CHAF1A: variants seen among roughly 807,000 people sequenced by gnomAD.
CHAF1A encodes CAF-1 subunit A.
CHAF1A carries 5 observed loss-of-function variants against 93.2 expected under a neutral mutation model. The ratio of observed to expected loss-of-function variants is 0.05; its 90% CI spans 0.03 to 0.11. The LOEUF is 0.11. Among genes scored for constraint, CHAF1A ranks in the 10% least tolerant of loss-of-function variants. The pLI is 1.00. For missense variants in CHAF1A, 1,102 were observed against 1,259.9 expected (o/e 0.87, Z 1.90); for synonymous variants, 504 against 510.3 (o/e 0.99, Z 0.17).
At chr19:4,419,795 C>A (rs1466931027) in intron 4 of CHAF1A, among the ~76,000 whole-genome samples, 1 of 152,180 alleles carries the variant, frequency 6.6e-6, no homozygotes, top group Non-Finnish European at 1.5e-5. Flanking sequence ...CTCATTGGAA[C>A]CTCCGAGTCC....
intron 2 of CHAF1A, among the ~76,000 whole-genome samples, chr19:4,408,665 G>A (rs1973731177): frequency 6.6e-6 from 1 of 151,182 alleles, no homozygotes; most frequent in South Asian, 2.1e-4. Context: ...AGAAAAGACG[G>A]GGTTTCACCA....
At chr19:4,430,135 C>A in intron 10 of CHAF1A, 1 of 350,140 alleles carries the variant, frequency 2.9e-6, no homozygotes, top group South Asian at 3.1e-5. Flanking sequence ...CGATGCTCAC[C>A]GTGTCTGTCG....
intron 2 of CHAF1A, among the ~76,000 whole-genome samples, chr19:4,408,491 T>TTTTTTTTTTTTTTTTTG (rs1973727044): frequency 9.0e-6 from 1 of 111,408 alleles, no homozygotes; most frequent in East Asian, 2.8e-4. Flanking sequence ...TTTTTTTTTT[T>TTTTTTTTTTTTTTTTTG]GAGAGGGAGT....
downstream of CHAF1A, chr19:4,446,234 G>A (rs754221360): frequency 1.1e-5 from 17 of 1,577,360 alleles, no homozygotes; most frequent in African/African-American, 2.3e-4. Flanking sequence ...TGGGGCCCAG[G>A]GCCCCCTACC....
intron 7 of CHAF1A, among the ~76,000 whole-genome samples, chr19:4,424,722 C>T (rs1397159388): frequency 2.6e-5 from 4 of 152,206 alleles, no homozygotes; most frequent in African/African-American, 9.6e-5. Flanking sequence ...GCAACGTCCA[C>T]CTCCCGGGTT....
chr19:4,409,040 G>T lies in CHAF1A; in HGVS notation c.241G>T (p.Val81Leu). ...GGACACCTTGGAAAACAACTGTCAT[G>T]TGGGTTCTGACATAGACTTTAGACC... ...SLDTLENNCH[V>L]GSDIDFRPKL... The change falls in exon 3 of 15, where the codon GTG (valine) becomes TTG (leucine). Residue 81 changes from valine (V) to leucine (L), a missense_variant. Around this residue, in one of 6 missense-constraint regions of CHAF1A, gnomAD observed 379 missense variants for 365.7 expected, o/e 1.04. Coordinates refer to ENST00000301280, the MANE Select transcript of CHAF1A (RefSeq NM_005483.3). The T allele has an allele frequency of 6.2e-7, 1 of 1,614,218 alleles. No individual in the cohort carries two copies. The highest frequency in any genetic ancestry group is 8.5e-7 in the Non-Finnish European group (1 of 1,180,042).
chr19:4,421,403 G>A, intron 4 of CHAF1A, among the ~76,000 whole-genome samples: 1 of 152,004 alleles, frequency 6.6e-6, no homozygotes, highest in Non-Finnish European at 1.5e-5. Flanking sequence ...ATCTTATATT[G>A]AATTTCCCAC....
At chr19:4,438,300 G>C (rs975800985) in intron 13 of CHAF1A, among the ~76,000 whole-genome samples, 3 of 152,130 alleles carry the variant, frequency 2.0e-5, no homozygotes, top group Non-Finnish European at 2.9e-5. Flanking sequence ...GCCTGCGTTA[G>C]TTTGCTGAGG....
chr19:4,440,848 G>A (rs1045792624), intron 13 of CHAF1A, among the ~76,000 whole-genome samples: 2 of 152,058 alleles, frequency 1.3e-5, no homozygotes, highest in African/African-American at 2.4e-5. Context: ...GGCCAGGTGC[G>A]GTGGCTCATG....
downstream of CHAF1A, chr19:4,447,764 G>A (rs1974567924): frequency 3.7e-6 from 3 of 808,848 alleles, no homozygotes; most frequent in African/African-American, 3.4e-5. Context: ...TGACGCGAGG[G>A]CAGCAGACCA....
At chr19:4,440,560 G>A (rs1974367505) in intron 13 of CHAF1A, among the ~76,000 whole-genome samples, 1 of 151,900 alleles carries the variant, frequency 6.6e-6, no homozygotes, top group African/African-American at 2.4e-5. Flanking sequence ...AGTGAGTCGA[G>A]GTCTAAAAAA....
chr19:4,416,331 T>C (rs1356822689), intron 3 of CHAF1A, among the ~76,000 whole-genome samples: 1 of 152,210 alleles, frequency 6.6e-6, no homozygotes, highest in Non-Finnish European at 1.5e-5. Context: ...CTCTTCCCAT[T>C]GCTCTTCACT....
In CHAF1A at chr19:4,433,026, G is replaced by A. The variant is rs529545128; in HGVS notation, c.2204-44G>A. On this transcript the variant is annotated intron_variant, in intron 12 of 14. Coordinates refer to ENST00000301280, the MANE Select transcript of CHAF1A (RefSeq NM_005483.3). This position sits in a 1 kb window ranked among gnomAD's most constrained non-coding sequence, Gnocchi z 5.6. ...TTTGTTTTTTGGCCTGTGGTGATGG[G>A]TGGCTCCCCAAGCCTCATGCCCACC... 2.8e-6 allele frequency: 4 copies of A among 1,446,542 alleles called. No individual in the cohort carries two copies. The highest frequency in any genetic ancestry group is 2.7e-5 in the South Asian group (2 of 75,098). The allele number at this position is 1,446,542 out of a possible 1,614,324, so 89.6% of individuals were successfully genotyped here. A position where few individuals can be genotyped will look rare whatever the true frequency, so the allele number is the denominator to read the frequency against.
intron 13 of CHAF1A, among the ~76,000 whole-genome samples, chr19:4,437,406 A>G (rs1486103373): frequency 1.3e-5 from 2 of 152,010 alleles, no homozygotes; most frequent in African/African-American, 4.8e-5. Context: ...CCGGAGTGCA[A>G]TGGTGCAGTC....
At chr19:4,416,088 C>T (rs533632366) in intron 3 of CHAF1A, among the ~76,000 whole-genome samples, 9 of 152,152 alleles carry the variant, frequency 5.9e-5, no homozygotes, top group African/African-American at 1.4e-4. Flanking sequence ...GCAGGAGAAT[C>T]GCTTGAACCC....
At chr19:4,405,086 C>G (rs8107787) in intron 1 of CHAF1A, among the ~76,000 whole-genome samples, 9,136 of 152,174 alleles carry the variant, frequency 0.06, 639 homozygotes, top group African/African-American at 0.17. Context: ...TTTCTCTCCT[C>G]CCTACTTTTA....
Position 4,429,733 on chromosome 19 carries a change from G to A in CHAF1A, c.1799G>A (p.Ser600Asn). The A allele has an allele frequency of 1.9e-6, 3 of 1,614,152 alleles. No homozygotes were observed. Among genetic ancestry groups the A allele is most frequent in the Non-Finnish European group, 2.5e-6 (3 of 1,180,034 alleles). Residue 600 changes from serine to asparagine, a missense_variant, in exon 10 of 15, where the codon AGT becomes AAT. By Grantham distance (46) the Ser-to-Asn change is conservative. Around this residue, in one of 6 missense-constraint regions of CHAF1A, gnomAD observed 335 missense variants for 361.9 expected, o/e 0.93. Coordinates refer to ENST00000301280, the MANE Select transcript of CHAF1A (RefSeq NM_005483.3). ...AAGCTCCTGGACTATGAGGTGGACA[G>A]TGATGAGGAGTGGGAAGAAGAGGAG... ...DTKLLDYEVD[S>N]DEEWEEEEPG...
downstream of CHAF1A, chr19:4,446,085 G>A (rs139535362): frequency 2.0e-5 from 32 of 1,612,716 alleles, no homozygotes; most frequent in African/African-American, 8.0e-5. Flanking sequence ...TCTCGTCCTC[G>A]GACAGCTTCT....
At chr19:4,430,444 C>G in intron 10 of CHAF1A, 105 bp from the exon 11 acceptor site, 1 of 719,764 alleles carries the variant, frequency 1.4e-6, no homozygotes, top group Non-Finnish European at 2.5e-6. Context: ...TCCCAAAGTG[C>G]TGGGATTAGA....
Sources: allele counts gnomAD v4.1 joint callset (sites outside exome capture counted in the v4.1 genomes callset), GRCh38; gene constraint gnomAD v4.1.1; regional missense constraint gnomAD v4.1.1; non-coding constraint Gnocchi (gnomAD v3.1); transcripts MANE v1.5; gene names NCBI Gene and HGNC (gene_info 2026-07-23, HGNC 2026-07-21).